Variants in EVC2 observed in about 807,000 individuals in gnomAD.
The protein encoded by EVC2 is EvC ciliary complex subunit 2.
EVC2 carries 148 observed loss-of-function variants against 149.3 expected under a neutral mutation model. That is an observed-to-expected ratio of 0.99 (90% CI 0.87 to 1.14). The LOEUF (loss-of-function observed/expected upper bound fraction) is 1.14, where lower values mean the gene tolerates loss of function less well. Among genes scored for constraint, EVC2 ranks in the 50% most tolerant of loss-of-function variants. The pLI is 0.00. For missense variants in EVC2, 1,854 were observed against 1,627.3 expected (o/e 1.14, Z -2.40); for synonymous variants, 776 against 649.9 (o/e 1.19, Z -2.95).
intron 16 of EVC2, among the ~76,000 whole-genome samples, chr4:5,612,832 G>A (rs547323823): frequency 1.4e-5 from 2 of 141,674 alleles, no homozygotes; most frequent in African/African-American, 5.2e-5. Context: ...TGAGGCAGGA[G>A]AATGGCGTGA....
rs1719025203 is a variant in EVC2, at chr4:5,663,250, C to T, written c.1006-4G>A. The T allele has an allele frequency of 6.2e-7, 1 of 1,613,888 alleles. No homozygotes were observed. Among genetic ancestry groups the T allele is most frequent in the African/African-American group, 1.3e-5 (1 of 74,898 alleles). The stretch of plus-strand genomic sequence containing the variant: ...GCTTGCTCTCATACTGCCAAACCTT[C>T]AGGAGAATTGCGGAAATAATAATTG... On this transcript the variant is annotated splice_region_variant and splice_polypyrimidine_tract_variant and intron_variant, in intron 8 of 21. Coordinates refer to ENST00000344408, the MANE Select transcript of EVC2 (RefSeq NM_147127.5).
chr4:5,599,563 G>C (rs1325299095), intron 16 of EVC2, among the ~76,000 whole-genome samples: 5 of 152,058 alleles, frequency 3.3e-5, no homozygotes, highest in African/African-American at 1.2e-4. Context: ...ACACTCTGGG[G>C]ACTGATGTGG....
downstream of EVC2, among the ~76,000 whole-genome samples, chr4:5,539,256 G>A (rs60184505): frequency 0.18 from 27,568 of 152,142 alleles, 3,180 homozygotes; most frequent in African/African-American, 0.33. Context: ...ACTGAAACCT[G>A]TAAAACATTG....
intron 21 of EVC2, among the ~76,000 whole-genome samples, chr4:5,548,733 A>G (rs998420908): frequency 1.3e-5 from 2 of 152,306 alleles, no homozygotes; most frequent in East Asian, 3.9e-4. Flanking sequence ...CAAACCTGTG[A>G]TTTCAGATAT....
At chr4:5,634,284 A>C (rs919645851) in intron 10 of EVC2, among the ~76,000 whole-genome samples, 1 of 152,220 alleles carries the variant, frequency 6.6e-6, no homozygotes, top group Non-Finnish European at 1.5e-5. Context: ...GATCTAAATC[A>C]AAGGATGCAA....
intron 1 of EVC2, among the ~76,000 whole-genome samples, chr4:5,702,147 G>A (rs920966217): frequency 2.0e-5 from 3 of 152,100 alleles, no homozygotes; most frequent in Non-Finnish European, 2.9e-5. Context: ...CCAGAAACAA[G>A]GCCTTGCCCG....
chr4:5,597,579 GAGCT>G (rs1324871279), intron 16 of EVC2, among the ~76,000 whole-genome samples: 24 of 151,238 alleles, frequency 1.6e-4, no homozygotes, highest in African/African-American at 5.6e-4. Flanking sequence ...AAAATAATAA[GAGCT>G]ATCTATGACA....
chr4:5,683,079 G>A (rs974895639), intron 6 of EVC2, among the ~76,000 whole-genome samples: 4 of 152,230 alleles, frequency 2.6e-5, no homozygotes, highest in African/African-American at 7.2e-5. Flanking sequence ...TGGGCCAGCA[G>A]GCAACCTCAT....
intron 9 of EVC2, among the ~76,000 whole-genome samples, chr4:5,661,533 G>T (rs992944261): frequency 6.6e-6 from 1 of 152,088 alleles, no homozygotes; most frequent in Non-Finnish European, 1.5e-5. Context: ...AGATAATAAC[G>T]TCTTCAGTCA....
At chr4:5,536,708 C>T in the EVC2 span, among the ~76,000 whole-genome samples, 41 of 151,808 alleles carry the variant, frequency 2.7e-4, 1 homozygote, top group Non-Finnish European at 5.7e-4. Flanking sequence ...GGCGTGAACC[C>T]AGGAGGTGGA....
At chr4:5,663,064 T>C (rs1212825442) in intron 9 of EVC2, 43 bp downstream of exon 9, 5 of 1,612,060 alleles carry the variant, frequency 3.1e-6, no homozygotes, top group South Asian at 2.2e-5. Context: ...CGTTAAAACA[T>C]TCATCACATG....
chr4:5,708,644 C>G, upstream of EVC2: 4 of 621,700 alleles, frequency 6.4e-6, no homozygotes, highest in Non-Finnish European at 9.9e-6. Flanking sequence ...GAACAAACAC[C>G]CGCATCTGGG....
intron 16 of EVC2, among the ~76,000 whole-genome samples, chr4:5,612,986 A>AG (rs1443870553): frequency 6.7e-6 from 1 of 148,278 alleles, no homozygotes; most frequent in African/African-American, 2.5e-5. Flanking sequence ...GAGACGAGGT[A>AG]GGGGCCAGGG....
chr4:5,676,424 G>A (rs1168466063), intron 7 of EVC2, among the ~76,000 whole-genome samples: 2 of 152,176 alleles, frequency 1.3e-5, no homozygotes, highest in African/African-American at 2.4e-5. Flanking sequence ...TGATGCAAAT[G>A]TCAGGGGTGC....
chr4:5,660,363 T>C (rs932977924), intron 9 of EVC2, among the ~76,000 whole-genome samples: 2 of 152,228 alleles, frequency 1.3e-5, no homozygotes, highest in Non-Finnish European at 2.9e-5. Flanking sequence ...AGAACAGTCA[T>C]TGAGCTCACA....
intron 22 of EVC2, chr4:5,543,041 C>G (rs1721545046): frequency 2.3e-6 from 2 of 865,246 alleles, no homozygotes; most frequent in Admixed American, 2.5e-5. Context: ...ATTTTTCTGA[C>G]TTACTATTAC....
intron 11 of EVC2, among the ~76,000 whole-genome samples, chr4:5,629,579 A>G (rs1159669446): frequency 6.6e-6 from 1 of 152,240 alleles, no homozygotes; most frequent in Non-Finnish European, 1.5e-5. Context: ...GATAACCAAA[A>G]GTGTCAACGC....
chr4:5,539,834 C>T (rs776474629), downstream of EVC2, among the ~76,000 whole-genome samples: 9 of 146,962 alleles, frequency 6.1e-5, no homozygotes, highest in African/African-American at 2.0e-4. Flanking sequence ...GCAAATATTT[C>T]TTAGACACCA....
At chr4:5,591,708 T>C (rs952089942) in intron 16 of EVC2, among the ~76,000 whole-genome samples, 1 of 152,234 alleles carries the variant, frequency 6.6e-6, no homozygotes, top group African/African-American at 2.4e-5. Context: ...GCTTAGTTTG[T>C]TAGTTCCAGC....
Sources: allele counts gnomAD v4.1 joint callset (sites outside exome capture counted in the v4.1 genomes callset), GRCh38; gene constraint gnomAD v4.1.1; transcripts MANE v1.5; gene names NCBI Gene and HGNC (gene_info 2026-07-23, HGNC 2026-07-21).